Variants in TEX14 observed in about 807,000 individuals in gnomAD.
The protein encoded by TEX14 is testis expressed 14, intercellular bridge forming factor.
In TEX14, 168 loss-of-function variants were observed where a neutral mutation model predicts 178.6. The observed-to-expected ratio is 0.94, with a 90% CI of 0.83 to 1.07. The LOEUF is 1.07. TEX14 is among the 50% of genes least tolerant of loss of function. The pLI is 0.00. For synonymous variants in TEX14, 626 were observed against 634.1 expected (o/e 0.99, Z 0.19); for missense variants, 1,730 against 1,753.6 (o/e 0.99, Z 0.24).
chr17:58,648,092 C>T (rs1262616159), intron 2 of TEX14: 1 of 152,260 alleles, frequency 6.6e-6, no homozygotes, highest in African/African-American at 2.4e-5. Flanking sequence ...GATCTCAACG[C>T]TGTTTGTGGC....
intron 1 of TEX14, among the ~76,000 whole-genome samples, chr17:58,665,989 C>T (rs1188564213): frequency 1.3e-5 from 2 of 150,104 alleles, no homozygotes; most frequent in Non-Finnish European, 2.9e-5. Flanking sequence ...GCGGAGGTTG[C>T]AGTGAGCCGA....
At chr17:58,631,704 G>T (rs114690075) in intron 2 of TEX14, 5 of 150,616 alleles carry the variant, frequency 3.3e-5, no homozygotes, top group African/African-American at 7.3e-5. Flanking sequence ...TTAGAATAAC[G>T]CAACACCAAA....
intron 2 of TEX14, among the ~76,000 whole-genome samples, chr17:58,636,000 CT>C: frequency 6.6e-6 from 1 of 152,320 alleles, no homozygotes; most frequent in South Asian, 2.1e-4. Context: ...CCACCTCAGC[CT>C]CCCAAAGTGT....
At chr17:58,568,442 G>C (rs2044448956) in intron 26 of TEX14, among the ~76,000 whole-genome samples, 1 of 152,176 alleles carries the variant, frequency 6.6e-6, no homozygotes, top group African/African-American at 2.4e-5. Flanking sequence ...TGAAAACCAA[G>C]GGGTGCCCCT....
At position 58,605,043 on chromosome 17, in the gene TEX14, T is replaced by C. The variant is rs780818586; in HGVS notation, c.1271A>G (p.Gln424Arg). ...YNWAAPEVIL[Q>R]KAATVKSDIY... is the part of the protein sequence containing the mutation. ...GTCTGATTTCACTGTGGCTGCCTTC[T>C]GTAAGATCACTTCTGGTGCGGCCCA... The change falls in exon 11 of 32, where the codon CAG becomes CGG. Residue 424 changes from glutamine (Q) to arginine (R), a missense_variant. Physicochemically the swap from Gln to Arg is conservative, Grantham distance 43. This residue lies in a region of TEX14 where 789 missense variants were observed against 681.2 expected (regional missense o/e 1.16). Coordinates refer to ENST00000349033, the MANE Select transcript of TEX14 (RefSeq NM_031272.5). 12 of 1,614,138 alleles carry C rather than the reference T, an allele frequency of 7.4e-6. No homozygotes were observed. In the African/African-American group the frequency reaches 1.1e-4, roughly 14 times the overall value.
At chr17:58,631,588 A>G (rs750918510) in intron 2 of TEX14, 10 of 151,900 alleles carry the variant, frequency 6.6e-5, no homozygotes, top group Non-Finnish European at 1.2e-4. Flanking sequence ...TCAAAAATTA[A>G]AAACATGAGG....
chr17:58,668,573 A>G (rs908040031), intron 1 of TEX14, among the ~76,000 whole-genome samples: 4 of 152,234 alleles, frequency 2.6e-5, no homozygotes, highest in African/African-American at 9.6e-5. Flanking sequence ...ACAATTCTAC[A>G]GAGTACACAA....
At chr17:58,606,433 T>C (rs1189539559) in intron 10 of TEX14, among the ~76,000 whole-genome samples, 4 of 152,206 alleles carry the variant, frequency 2.6e-5, no homozygotes, top group African/African-American at 9.7e-5. Context: ...GGAAAAAGGA[T>C]AGATTTTAGA....
chr17:58,658,564 G>C (rs1236089793), intron 1 of TEX14, among the ~76,000 whole-genome samples: 1 of 147,448 alleles, frequency 6.8e-6, no homozygotes, highest in East Asian at 2.0e-4. Context: ...TAATTTTTTT[G>C]TATTTTAGTA....
At chr17:58,631,784 G>C (rs183981460) in intron 2 of TEX14, 3 of 152,190 alleles carry the variant, frequency 2.0e-5, no homozygotes, top group African/African-American at 7.2e-5. Context: ...TACACGTTCA[G>C]ATATACTCCT....
intron 2 of TEX14, among the ~76,000 whole-genome samples, chr17:58,632,557 G>A (rs1428841503): frequency 1.3e-5 from 2 of 152,146 alleles, no homozygotes; most frequent in African/African-American, 4.8e-5. Flanking sequence ...CTTCCCATTT[G>A]TTAAGGTACA....
rs763803936 is a variant in TEX14 at position 58,599,643 on chromosome 17, C to A, written c.1702G>T (p.Val568Phe). The A allele has an allele frequency of 3.7e-6, 6 of 1,611,824 alleles. No homozygotes were observed. The highest frequency in any genetic ancestry group is 5.1e-6 in the Non-Finnish European group (6 of 1,179,172). The stretch of plus-strand genomic sequence containing the variant: ...GTCCCCTCAGTGAATAAAGAGTGAA[C>A]CCTTGGTGAATGAGGTTGACTGCCT... ...EMGSQPHSPR[V>F]HSLFTEGTLD... Residue 568 changes from valine (V) to phenylalanine (F), a missense_variant, in exon 14 of 32, where the codon GTT becomes TTT. Around this residue, in one of 2 missense-constraint regions of TEX14, gnomAD observed 941 missense variants for 1,072.4 expected, o/e 0.88. Coordinates refer to ENST00000349033, the MANE Select transcript of TEX14 (RefSeq NM_031272.5).
At chr17:58,674,841 A>G (rs1362732642) in intron 1 of TEX14, among the ~76,000 whole-genome samples, 1 of 147,572 alleles carries the variant, frequency 6.8e-6, no homozygotes, top group East Asian at 2.0e-4. Flanking sequence ...GGCCTTTGGA[A>G]AAAAAAAAAA....
At position 58,616,400 on chromosome 17, in the gene TEX14, C is replaced by T; in HGVS notation, c.637-95G>A. The T allele has an allele frequency of 2.0e-6, 3 of 1,479,110 alleles. No individual in the cohort carries two copies. The South Asian group carries it at 4.0e-5, about 20-fold the overall frequency. 91.6% of individuals were successfully genotyped at this position (1,479,110 alleles called of 1,614,324 possible). A position where few individuals can be genotyped will look rare whatever the true frequency, so the allele number is the denominator to read the frequency against. On this transcript the variant is annotated intron_variant, in intron 6 of 31. Transcript: ENST00000349033. The stretch of plus-strand genomic sequence containing the variant: ...CAGCCAGCTAAAAGAATGAGAGCTG[C>T]TATTTATCAACTTTCTGAATACCCC...
chr17:58,577,418 T>G lies in TEX14; in HGVS notation c.3277A>C (p.Asn1093His). The G allele has an allele frequency of 6.6e-7, 1 of 1,515,122 alleles. No homozygotes were observed. Among genetic ancestry groups the G allele is most frequent in the Middle Eastern group, 1.7e-4 (1 of 5,722 alleles). The allele number at this position is 1,515,122 out of a possible 1,614,324, so 93.9% of individuals were successfully genotyped here. ...KFQMRKILGK[N>H]AEILPRSQFQ... The stretch of plus-strand genomic sequence containing the variant: ...TGAGACCTGGGCAAAATCTCAGCAT[T>G]CTTTCCAAGAATTTTTCTCATTTGG... The change falls in exon 21 of 32, where the codon AAT (asparagine) becomes CAT (histidine). Residue 1093 changes from asparagine to histidine, a missense_variant. Physicochemically the swap from Asn to His is moderately conservative, Grantham distance 68. Around this residue, in one of 2 missense-constraint regions of TEX14, gnomAD observed 941 missense variants for 1,072.4 expected, o/e 0.88. Transcript: ENST00000349033.
intron 8 of TEX14, 144 bp downstream of exon 8, chr17:58,615,088 T>G: frequency 1.8e-6 from 1 of 570,064 alleles, no homozygotes; most frequent in East Asian, 3.1e-5. Flanking sequence ...CCCTTCGAAG[T>G]CAAGTCAATC....
rs189115335 is a variant in TEX14, at chr17:58,617,031, G to A, written c.636+507C>T. ...TTTGAGAGGTCAAGGCGGGTGGACCGATTGAGTCCAGAAGATGGAGACCAG... is the reference window on the plus strand; with the variant it reads ...TTTGAGAGGTCAAGGCGGGTGGACCAATTGAGTCCAGAAGATGGAGACCAG... On this transcript the variant is annotated intron_variant, in intron 6 of 31. Coordinates refer to ENST00000349033, the MANE Select transcript of TEX14 (RefSeq NM_031272.5). Among the ~76,000 whole-genome samples the A allele has an allele frequency of 5.1e-4, 77 of 152,246 alleles. No homozygotes were observed. In the East Asian group the frequency reaches 8.3e-3, roughly 16 times the overall value.
intron 20 of TEX14, among the ~76,000 whole-genome samples, chr17:58,579,396 G>C (rs866186246): frequency 1.3e-5 from 2 of 152,144 alleles, no homozygotes; most frequent in Admixed American, 6.5e-5. Flanking sequence ...GAGACCAAAG[G>C]GGGAAAAAGC....
intron 2 of TEX14, among the ~76,000 whole-genome samples, chr17:58,650,033 C>T (rs1474875674): frequency 6.6e-6 from 1 of 151,752 alleles, no homozygotes; most frequent in Non-Finnish European, 1.5e-5. Flanking sequence ...TGCCACTGCG[C>T]CCAGCCCAGA....
Sources: gnomAD v4.1 joint callset for allele counts (sites outside exome capture counted in the v4.1 genomes callset) on GRCh38, gnomAD v4.1.1 for gene constraint, gnomAD v4.1.1 regional missense constraint, MANE v1.5 for transcripts, NCBI Gene and HGNC (gene_info 2026-07-23, HGNC 2026-07-21) for gene names.